CCDC61: variants seen among roughly 807,000 people sequenced by gnomAD.
The protein encoded by CCDC61 is centrosomal protein CCDC61.
CCDC61 carries 55 observed loss-of-function variants against 63.0 expected under a neutral mutation model. The observed-to-expected ratio is 0.87, with a 90% CI of 0.70 to 1.09. CCDC61 has a LOEUF of 1.09. Among genes scored for constraint, CCDC61 ranks in the 50% least tolerant of loss-of-function variants. The probability of loss-of-function intolerance (pLI) is 0.00; values close to 1 mark genes in which losing one functional copy is unlikely to be tolerated. For missense variants in CCDC61, 651 were observed against 731.4 expected (o/e 0.89, Z 1.27); for synonymous variants, 270 against 317.0 (o/e 0.85, Z 1.58).
At chr19:46,003,993 C>T (rs1011512729) in intron 3 of CCDC61, among the ~76,000 whole-genome samples, 15 of 151,954 alleles carry the variant, frequency 9.9e-5, no homozygotes, top group African/African-American at 3.6e-4. Flanking sequence ...GGCTGGAGTG[C>T]AGTGGCACCA....
chr19:46,009,428 C>G (rs1205627448), intron 5 of CCDC61, among the ~76,000 whole-genome samples: 1 of 152,150 alleles, frequency 6.6e-6, no homozygotes, highest in Non-Finnish European at 1.5e-5. Context: ...CAGGGCTGCT[C>G]TGTGCTTTAT....
intron 5 of CCDC61, among the ~76,000 whole-genome samples, chr19:46,012,682 C>A (rs184992895): frequency 6.6e-6 from 1 of 151,376 alleles, no homozygotes; most frequent in Non-Finnish European, 1.5e-5. Context: ...CAAAAGTAGT[C>A]ATTTCCCCAT....
At position 46,015,769 on chromosome 19, in the gene CCDC61, A is replaced by G. The variant is rs576390197; in HGVS notation, c.846-285A>G. On this transcript the variant is annotated intron_variant, in intron 7 of 13. Transcript: ENST00000595358. This position sits in a 1 kb window ranked among gnomAD's most constrained non-coding sequence, Gnocchi z 5.3. ...CTGGCATTTATGGGGTGGGTGGTGG[A>G]AAATTGGAAAGAGTTTCCGGGGAGT... Among the ~76,000 whole-genome samples, 67 of 152,142 alleles carry G rather than the reference A, an allele frequency of 4.4e-4. No individual in the cohort carries two copies. The highest frequency in any genetic ancestry group is 1.6e-3 in the African/African-American group (66 of 41,496).
chr19:45,998,777 T>C (rs1453098162), intron 1 of CCDC61, among the ~76,000 whole-genome samples: 2 of 152,140 alleles, frequency 1.3e-5, no homozygotes, highest in African/African-American at 2.4e-5. Context: ...ACAACAACCC[T>C]ATAAGGTAGG....
intron 3 of CCDC61, among the ~76,000 whole-genome samples, chr19:46,003,714 A>G (rs1403706540): frequency 6.6e-6 from 1 of 152,162 alleles, no homozygotes; most frequent in Non-Finnish European, 1.5e-5. Context: ...ACAGAGAAAT[A>G]TAAAGAAGAA....
chr19:46,009,372 A>G (rs1968779637), intron 5 of CCDC61, among the ~76,000 whole-genome samples: 1 of 152,164 alleles, frequency 6.6e-6, no homozygotes, highest in South Asian at 2.1e-4. Context: ...ATTTTTAGTA[A>G]TAATGTTACC....
chr19:46,012,862 T>G (rs1968855237), intron 5 of CCDC61, among the ~76,000 whole-genome samples: 1 of 149,456 alleles, frequency 6.7e-6, no homozygotes, highest in Non-Finnish European at 1.5e-5. Flanking sequence ...TTTTTTTTTT[T>G]TTTTTAAGAG....
chr19:46,011,564 A>G (rs1165415518), intron 5 of CCDC61, among the ~76,000 whole-genome samples: 1 of 152,190 alleles, frequency 6.6e-6, no homozygotes, highest in Non-Finnish European at 1.5e-5. Flanking sequence ...TGTCCCCTGT[A>G]CTTGCAGTGA....
chr19:46,003,156 C>T lies in CCDC61; in HGVS notation c.138C>T (p.Phe46=), dbSNP rs200651280. Reference sequence around the variant, plus strand: ...CGGCTGACCAGTGGCGGGGCGAGTTCGATGCTGGCTGTGAGTGTGCCTGCC... The same window carrying T: ...CGGCTGACCAGTGGCGGGGCGAGTTTGATGCTGGCTGTGAGTGTGCCTGCC... The part of the protein sequence containing the change: ...RMTADQWRGE[F]DAGFIEDLTH... Residue 46 remains phenylalanine, a synonymous_variant, in exon 2 of 14, where the codon TTC becomes TTT. Transcript: ENST00000595358. The T allele has an allele frequency of 6.2e-6, 10 of 1,608,006 alleles. No individual in the cohort carries two copies. Among genetic ancestry groups the T allele is most frequent in the Middle Eastern group, 1.7e-4 (1 of 5,874 alleles).
rs561516736 is a variant in CCDC61, at chr19:46,018,075, C to G, written c.1369-3C>G. 6.2e-7 allele frequency: 1 copy of G among 1,608,402 alleles called. No homozygotes were observed. The highest frequency in any genetic ancestry group is 1.7e-5 in the Admixed American group (1 of 59,594). ...CCCCCTTTCCTACCTTCCCCATCAC[C>G]AGAAGTCTCCCCCCGTGGAACGCAG... On this transcript the variant is annotated splice_polypyrimidine_tract_variant and splice_region_variant and intron_variant, in intron 12 of 13. Transcript: ENST00000595358. The surrounding 1 kb of genome is among the most constrained non-coding windows in gnomAD (Gnocchi z 4.2).
At chr19:46,010,018 A>G (rs867879942) in intron 5 of CCDC61, among the ~76,000 whole-genome samples, 3 of 152,188 alleles carry the variant, frequency 2.0e-5, no homozygotes, top group African/African-American at 2.4e-5. Flanking sequence ...GCCAGGAATT[A>G]GGGAGTTTGG....
chr19:46,015,384 C>T lies in CCDC61; in HGVS notation c.802C>T (p.Arg268Trp). 1.2e-6 allele frequency: 2 copies of T among 1,603,322 alleles called. No homozygotes were observed. Among genetic ancestry groups the T allele is most frequent in the Non-Finnish European group, 1.7e-6 (2 of 1,179,092 alleles). The change falls in exon 7 of 14, where the codon CGG becomes TGG. Residue 268 changes from arginine (R) to tryptophan (W), a missense_variant. By Grantham distance (101) the Arg-to-Trp change is moderately radical. Transcript: ENST00000595358. The surrounding 1 kb of genome is among the most constrained non-coding windows in gnomAD (Gnocchi z 5.3). ...GGCATCGGAGCGGAGCCTGCGCGCC[C>T]GGCTGAAGACGCTGACCAGCGAGCT... Reference protein sequence around the residue: ...AKASERSLRARLKTLTSELAL... With the variant: ...AKASERSLRAWLKTLTSELAL...
At chr19:46,002,905 C>T in intron 1 of CCDC61, 103 bp from the exon 2 acceptor site, 1 of 1,177,776 alleles carries the variant, frequency 8.5e-7, no homozygotes, top group South Asian at 1.4e-5. Context: ...TCCCAGGATG[C>T]CACAGCTGGT....
At chr19:46,011,247 C>T (rs1428262231) in intron 5 of CCDC61, among the ~76,000 whole-genome samples, 2 of 151,982 alleles carry the variant, frequency 1.3e-5, no homozygotes, top group East Asian at 3.9e-4. Context: ...ACAGGGTTTG[C>T]CTGTGTTGCC....
intron 1 of CCDC61, among the ~76,000 whole-genome samples, chr19:46,002,648 C>T (rs1038581458): frequency 6.6e-6 from 1 of 151,858 alleles, no homozygotes; most frequent in East Asian, 1.9e-4. Flanking sequence ...AACTCTTGAG[C>T]TCAAGTGATC....
intron 1 of CCDC61, 28 bp downstream of exon 1, chr19:45,995,532 G>T (rs775682804): frequency 4.0e-6 from 2 of 504,898 alleles, no homozygotes; most frequent in South Asian, 1.5e-5. Context: ...TGGCGGTTGC[G>T]CGGGCCGTGG....
chr19:46,017,657 C>T (rs566738393), intron 12 of CCDC61, among the ~76,000 whole-genome samples: 2 of 152,210 alleles, frequency 1.3e-5, no homozygotes, highest in South Asian at 2.1e-4. Flanking sequence ...CCTCCTACAG[C>T]GCTGGAGTTA....
At chr19:46,008,344 T>C (rs757513812) in intron 5 of CCDC61, 43 bp downstream of exon 5, 14 of 939,798 alleles carry the variant, frequency 1.5e-5, no homozygotes, top group Non-Finnish European at 2.1e-5. Flanking sequence ...GTGGGGGCCC[T>C]CCCATCATGC....
In CCDC61 at chr19:46,016,516, C is replaced by A; in HGVS notation, c.1091+123C>A. 7.2e-7 allele frequency: 1 copy of A among 1,380,300 alleles called. No individual in the cohort carries two copies. The highest frequency in any genetic ancestry group is 1.0e-6 in the Non-Finnish European group (1 of 999,228). The allele number at this position is 1,380,300 out of a possible 1,614,324, so 85.5% of individuals were successfully genotyped here. ...CACCTGCTCGCTTCTCGCCGGATAC[C>A]CCGCCTGCTCTCCCTTCCGTCCGTC... On this transcript the variant is annotated intron_variant, in intron 9 of 13. Transcript: ENST00000595358. This position sits in a 1 kb window ranked among gnomAD's most constrained non-coding sequence, Gnocchi z 7.2.
Sources: allele counts gnomAD v4.1 joint callset (sites outside exome capture counted in the v4.1 genomes callset), GRCh38; gene constraint gnomAD v4.1.1; non-coding constraint Gnocchi (gnomAD v3.1); transcripts MANE v1.5; gene names NCBI Gene and HGNC (gene_info 2026-07-23, HGNC 2026-07-21).